Variants in BCO1 observed in about 807,000 individuals in gnomAD.
The protein encoded by BCO1 is beta,beta-carotene 15,15'-dioxygenase.
A neutral mutation model predicts 56.3 loss-of-function variants in BCO1; 54 were observed. The ratio of observed to expected loss-of-function variants is 0.96; its 90% CI spans 0.77 to 1.20. The LOEUF (loss-of-function observed/expected upper bound fraction) is 1.20. Ranked by LOEUF, BCO1 falls within the 50% of genes most tolerant of loss-of-function variation. The probability of loss-of-function intolerance (pLI) is 0.00; values close to 1 mark genes in which losing one functional copy is unlikely to be tolerated. For synonymous variants in BCO1, 318 were observed against 266.1 expected, an observed-to-expected ratio of 1.20 and a Z score of -1.90; for missense variants, 801 against 690.9, an observed-to-expected ratio of 1.16 and a Z score of -1.79.
At chr16:81,257,642 G>A (rs1310637467) in intron 2 of BCO1, among the ~76,000 whole-genome samples, 1 of 151,988 alleles carries the variant, frequency 6.6e-6, no homozygotes, top group East Asian at 2.0e-4. Context: ...TTGGGAGGCC[G>A]AGGCAGGTGG....
At chr16:81,268,914 T>G (rs964524399) in intron 6 of BCO1, among the ~76,000 whole-genome samples, 3 of 151,842 alleles carry the variant, frequency 2.0e-5, no homozygotes, top group Non-Finnish European at 4.4e-5. Flanking sequence ...CAGAGGCACA[T>G]GTCTCTATGC....
At position 81,290,548 on chromosome 16, in the gene BCO1, T is replaced by C. The variant is rs762298422; in HGVS notation, c.1615T>C (p.Ser539Pro). The C allele has an allele frequency of 1.9e-6, 3 of 1,613,992 alleles. No individual in the cohort carries two copies. The Admixed American group carries it at 5.0e-5, about 27-fold the overall frequency. The stretch of plus-strand genomic sequence containing the variant: ...TTCTGAGGAACAGCGGGACAGGGCT[T>C]CCGACTGCCACGGGGCTCCTCTGAC... ...AASEEQRDRA[S>P]DCHGAPLT is the part of the protein sequence containing the mutation. Residue 539 changes from serine to proline, a missense_variant, in exon 11 of 11, where the codon TCC becomes CCC. Transcript: ENST00000258168.
chr16:81,283,483 G>A (rs995863885), intron 8 of BCO1, among the ~76,000 whole-genome samples: 1 of 152,064 alleles, frequency 6.6e-6, no homozygotes, highest in African/African-American at 2.4e-5. Flanking sequence ...TGTAGTCCCA[G>A]CTACTTGGGA....
chr16:81,272,370 G>A (rs528030835), intron 7 of BCO1, among the ~76,000 whole-genome samples: 1 of 148,610 alleles, frequency 6.7e-6, no homozygotes, highest in Non-Finnish European at 1.5e-5. Context: ...CGCCCGCCTT[G>A]GCCTCCCAAA....
At chr16:81,239,121 A>G in intron 1 of BCO1, 149 bp downstream of exon 1, 1 of 668,108 alleles carries the variant, frequency 1.5e-6, no homozygotes, top group South Asian at 1.9e-5. Context: ...GGTTCAAACG[A>G]TCCTCCCACC....
intron 8 of BCO1, among the ~76,000 whole-genome samples, chr16:81,281,721 C>G (rs1441939875): frequency 6.6e-6 from 1 of 152,292 alleles, no homozygotes; most frequent in Admixed American, 6.5e-5. Context: ...AATCTGGGCA[C>G]CATCGCCATC....
intron 9 of BCO1, among the ~76,000 whole-genome samples, chr16:81,286,744 A>G (rs1464489067): frequency 1.3e-5 from 2 of 152,110 alleles, no homozygotes; most frequent in African/African-American, 2.4e-5. Context: ...TTCCTTCTAC[A>G]GTATCAGCTA....
At chr16:81,248,570 A>C (rs1056552882) in intron 2 of BCO1, among the ~76,000 whole-genome samples, 9 of 152,220 alleles carry the variant, frequency 5.9e-5, no homozygotes, top group Non-Finnish European at 1.0e-4. Context: ...AATACCTTGC[A>C]GATTTTACTG....
intron 7 of BCO1, among the ~76,000 whole-genome samples, chr16:81,276,883 A>T (rs1298201106): frequency 6.6e-6 from 1 of 151,704 alleles, no homozygotes; most frequent in African/African-American, 2.4e-5. Context: ...CTTGGCCAAC[A>T]TGATGAAACC....
intron 7 of BCO1, among the ~76,000 whole-genome samples, chr16:81,277,490 C>G (rs1907628090): frequency 6.6e-6 from 1 of 152,150 alleles, no homozygotes; most frequent in Admixed American, 6.6e-5. Context: ...TTAATTTAAT[C>G]CTAACATAAT....
intron 7 of BCO1, among the ~76,000 whole-genome samples, chr16:81,277,342 C>T (rs4889298): frequency 0.47 from 71,885 of 151,864 alleles, 17,570 homozygotes; most frequent in East Asian, 0.76. Context: ...TTTATGATCC[C>T]CCACGTCTAC....
chr16:81,288,661 G>A (rs1908310552), intron 10 of BCO1, among the ~76,000 whole-genome samples: 3 of 152,214 alleles, frequency 2.0e-5, no homozygotes, highest in Admixed American at 2.0e-4. Context: ...TATTTTCTAG[G>A]TTTCCACTTG....
At chr16:81,282,384 A>G (rs1007079402) in intron 8 of BCO1, among the ~76,000 whole-genome samples, 2 of 152,126 alleles carry the variant, frequency 1.3e-5, no homozygotes, top group African/African-American at 4.8e-5. Flanking sequence ...CTCAAAACAA[A>G]AAACAAAAAA....
rs7500996 is a variant in BCO1, at chr16:81,262,297, T to G, written c.471+14T>G. 89 of 1,609,302 alleles carry G rather than the reference T, an allele frequency of 5.5e-5. 1 individual carries two copies. The East Asian group carries it at 1.9e-3, about 34-fold the overall frequency. On this transcript the variant is annotated intron_variant, in intron 4 of 10. Coordinates refer to ENST00000258168, the MANE Select transcript of BCO1 (RefSeq NM_017429.3). ...ACCCTGGAGAAGGTATCAACACATA[T>G]GTAACCAGCATCACTTCCTGACTCA...
chr16:81,257,043 T>C (rs774016362), intron 2 of BCO1, among the ~76,000 whole-genome samples: 2 of 152,076 alleles, frequency 1.3e-5, no homozygotes, highest in Non-Finnish European at 2.9e-5. Flanking sequence ...TTTTCCCAAC[T>C]CCAGGCCTTT....
intron 2 of BCO1, among the ~76,000 whole-genome samples, 184 bp from the exon 3 acceptor site, chr16:81,259,492 A>C (rs549985987): frequency 4.6e-5 from 7 of 152,246 alleles, no homozygotes; most frequent in African/African-American, 1.7e-4. Context: ...AAAACTCAAA[A>C]AAATAATAAT....
intron 6 of BCO1, among the ~76,000 whole-genome samples, chr16:81,269,218 C>T (rs576602717): frequency 6.6e-6 from 1 of 151,828 alleles, no homozygotes; most frequent in Non-Finnish European, 1.5e-5. Context: ...TCCCATCCAC[C>T]CCCACGTCTG....
chr16:81,275,848 C>T (rs916663239), intron 7 of BCO1, among the ~76,000 whole-genome samples: 21 of 152,188 alleles, frequency 1.4e-4, no homozygotes, highest in Admixed American at 3.9e-4. Context: ...CTGGCAGGGC[C>T]TCTGGGCACC....
Position 81,282,195 on chromosome 16 carries a change from A to ATCCAC in BCO1, c.1207+1234_1207+1235insCCACT, listed in dbSNP as rs1555506440. Among the ~76,000 whole-genome samples the ATCCAC allele has an allele frequency of 2.6e-5, 4 of 152,190 alleles. No homozygotes were observed. In the East Asian group the frequency reaches 7.7e-4, roughly 29 times the overall value. On this transcript the variant is annotated intron_variant, in intron 8 of 10. Transcript: ENST00000258168. ...GGAGTTTGAGACCAGCCTGGCCAAC[A>ATCCAC]TGGCGAAAACACATCTCTACCGAAA...
Sources: gnomAD v4.1 joint callset for allele counts (sites outside exome capture counted in the v4.1 genomes callset) on GRCh38, gnomAD v4.1.1 for gene constraint, MANE v1.5 for transcripts, NCBI Gene and HGNC (gene_info 2026-07-23, HGNC 2026-07-21) for gene names.